Variants in PTPRD observed in about 807,000 individuals in gnomAD.
PTPRD encodes the protein receptor-type tyrosine-protein phosphatase delta.
A neutral mutation model predicts 214.5 loss-of-function variants in PTPRD; 34 were observed. The observed-to-expected ratio is 0.16, with a 90% CI of 0.12 to 0.21. The LOEUF is 0.21. Ranked by LOEUF, PTPRD falls within the 10% of genes least tolerant of loss-of-function variation. The pLI is 1.00. For synonymous variants in PTPRD, 1,128 were observed against 845.7 expected (o/e 1.33, Z -5.79); for missense variants, 2,545 against 2,398.7 (o/e 1.06, Z -1.27).
intron 12 of PTPRD, among the ~76,000 whole-genome samples, chr9:8,653,371 A>T (rs1280472699): frequency 3.3e-5 from 5 of 152,176 alleles, no homozygotes; most frequent in Non-Finnish European, 7.3e-5. Context: ...CTTAGACTGG[A>T]TTACATACAA....
chr9:10,305,531 G>A (rs764596435), intron 3 of PTPRD, among the ~76,000 whole-genome samples: 21 of 151,874 alleles, frequency 1.4e-4, no homozygotes, highest in Non-Finnish European at 2.9e-4. Context: ...TCTGACAAAG[G>A]GCTAATATCC....
intron 3 of PTPRD, among the ~76,000 whole-genome samples, chr9:10,129,627 T>G (rs2098844771): frequency 6.6e-6 from 1 of 151,468 alleles, no homozygotes; most frequent in Non-Finnish European, 1.5e-5. Context: ...GGTCTGAACC[T>G]CTGGCTCCAA....
intron 10 of PTPRD, among the ~76,000 whole-genome samples, chr9:9,025,799 T>C: frequency 6.6e-6 from 1 of 151,830 alleles, no homozygotes; most frequent in Middle Eastern, 3.2e-3. Flanking sequence ...AAAAAGAAAA[T>C]AATACTTATC....
intron 9 of PTPRD, among the ~76,000 whole-genome samples, chr9:9,206,657 A>T (rs527668188): frequency 6.6e-6 from 1 of 152,308 alleles, no homozygotes; most frequent in African/African-American, 2.4e-5. Context: ...AGACTTGCTG[A>T]GTCTTCCTGC....
chr9:10,552,834 T>C (rs1286699004), intron 2 of PTPRD, among the ~76,000 whole-genome samples: 1 of 152,190 alleles, frequency 6.6e-6, no homozygotes, highest in Non-Finnish European at 1.5e-5. Context: ...GGTTGAGGCA[T>C]TCCTATCTTC....
intron 11 of PTPRD, among the ~76,000 whole-genome samples, chr9:8,941,256 C>T (rs992188404): frequency 6.6e-6 from 1 of 152,118 alleles, no homozygotes; most frequent in Non-Finnish European, 1.5e-5. Flanking sequence ...TACTAAAATG[C>T]TTACTAAAAC....
intron 9 of PTPRD, among the ~76,000 whole-genome samples, chr9:9,380,286 CA>C (rs1383179659): frequency 6.6e-6 from 1 of 152,020 alleles, no homozygotes; most frequent in Non-Finnish European, 1.5e-5. Context: ...TCATTTATTT[CA>C]AAATATATTT....
intron 5 of PTPRD, among the ~76,000 whole-genome samples, chr9:9,930,347 C>G (rs758552194): frequency 6.6e-6 from 1 of 152,056 alleles, no homozygotes; most frequent in African/African-American, 2.4e-5. Context: ...CAAGAATGGA[C>G]CTGGAAACCA....
chr9:9,622,623 T>C (rs1335510875), intron 7 of PTPRD, among the ~76,000 whole-genome samples: 2 of 152,198 alleles, frequency 1.3e-5, no homozygotes, highest in Admixed American at 6.5e-5. Flanking sequence ...ATCATGTAAG[T>C]TCTGATCATT....
intron 7 of PTPRD, among the ~76,000 whole-genome samples, chr9:9,615,946 G>A (rs967227887): frequency 1.3e-5 from 2 of 152,050 alleles, no homozygotes; most frequent in African/African-American, 4.8e-5. Context: ...AAACTTAACT[G>A]TCCAAGAAAA....
At chr9:8,873,117 G>A (rs1461332729) in intron 11 of PTPRD, among the ~76,000 whole-genome samples, 2 of 152,180 alleles carry the variant, frequency 1.3e-5, no homozygotes, top group Non-Finnish European at 2.9e-5. Context: ...GGAGCAGGTG[G>A]TGAGACTCTC....
chr9:8,713,689 A>G (rs570072190), intron 12 of PTPRD: 2 of 1,512,022 alleles, frequency 1.3e-6, no homozygotes, highest in African/African-American at 1.4e-5. Context: ...CATTCAGATC[A>G]TGATGGTGGA....
At chr9:8,520,428 A>G (rs1489067574) in intron 20 of PTPRD, among the ~76,000 whole-genome samples, 2 of 152,140 alleles carry the variant, frequency 1.3e-5, no homozygotes, top group Non-Finnish European at 1.5e-5. Flanking sequence ...GCAGCTTTTC[A>G]AGAGTAGCAA....
chr9:9,186,556 A>T (rs1158720423), intron 9 of PTPRD, among the ~76,000 whole-genome samples: 1 of 151,866 alleles, frequency 6.6e-6, no homozygotes, highest in Non-Finnish European at 1.5e-5. Flanking sequence ...GGGTGTAGTG[A>T]GCTGTAATGG....
chr9:10,136,181 C>A (rs551652058), intron 3 of PTPRD, among the ~76,000 whole-genome samples: 59 of 151,946 alleles, frequency 3.9e-4, no homozygotes, highest in Non-Finnish European at 6.2e-4. Flanking sequence ...AACAAGAACA[C>A]CTAATTATCC....
At chr9:9,778,629 C>T (rs938562346) in intron 5 of PTPRD, among the ~76,000 whole-genome samples, 11 of 152,106 alleles carry the variant, frequency 7.2e-5, no homozygotes, top group Admixed American at 2.0e-4. Flanking sequence ...CTAGGGGCCA[C>T]GCATAGCCAC....
intron 3 of PTPRD, among the ~76,000 whole-genome samples, chr9:10,208,468 C>G (rs1231702483): frequency 3.3e-5 from 5 of 152,186 alleles, no homozygotes; most frequent in South Asian, 2.1e-4. Context: ...GAACGGAGAT[C>G]GCGCCACTGC....
intron 10 of PTPRD, among the ~76,000 whole-genome samples, chr9:9,047,512 G>C (rs776108080): frequency 2.0e-5 from 3 of 152,034 alleles, no homozygotes; most frequent in Non-Finnish European, 2.9e-5. Flanking sequence ...ATACTACAGA[G>C]CTATAGTAAC....
At chr9:10,357,906 C>T (rs1281817010) in intron 2 of PTPRD, among the ~76,000 whole-genome samples, 1 of 152,058 alleles carries the variant, frequency 6.6e-6, no homozygotes, top group African/African-American at 2.4e-5. Context: ...AAACAGAAAT[C>T]AGATGGCTAT....
Sources: gnomAD v4.1 joint callset for allele counts (sites outside exome capture counted in the v4.1 genomes callset) on GRCh38, gnomAD v4.1.1 for gene constraint, MANE v1.5 for transcripts, NCBI Gene and HGNC (gene_info 2026-07-23, HGNC 2026-07-21) for gene names.